The following LARP7 variants were observed in gnomAD, a reference collection of about 807,000 sequenced individuals.
LARP7 encodes La ribonucleoprotein 7, transcriptional regulator.
Under a neutral mutation model 69.3 loss-of-function variants are expected in LARP7, and 52 were observed. The ratio of observed to expected loss-of-function variants is 0.75; its 90% CI spans 0.60 to 0.95. The LOEUF is 0.95. Among genes scored for constraint, LARP7 ranks in the 40% least tolerant of loss-of-function variants. The probability of loss-of-function intolerance (pLI) is 0.00; values close to 1 mark genes in which losing one functional copy is unlikely to be tolerated. For synonymous variants in LARP7, 254 were observed against 215.9 expected, an observed-to-expected ratio of 1.18 and a Z score of -1.55; for missense variants, 733 against 673.0, an observed-to-expected ratio of 1.09 and a Z score of -0.99.
chr4:112,654,380 T>C, intron 12 of LARP7: 1 of 426,822 alleles, frequency 2.3e-6, no homozygotes, highest in South Asian at 3.7e-5. Flanking sequence ...TAATTTTAAT[T>C]TAGATTTTTT....
Position 112,647,362 on chromosome 4 carries a change from G to A in LARP7, c.810G>A (p.Lys270=), listed in dbSNP as rs773773118. 35 of 1,613,972 alleles carry A rather than the reference G, an allele frequency of 2.2e-5. No individual in the cohort carries two copies. Among genetic ancestry groups the A allele is most frequent in the Non-Finnish European group, 3.0e-5 (35 of 1,180,004 alleles). The change falls in exon 7 of 13, where the codon AAG becomes AAA. Residue 270 remains lysine, a synonymous_variant. Coordinates refer to ENST00000344442, the MANE Select transcript of LARP7 (RefSeq NM_016648.4). ...ACATTGAGTCCACTGAACCCCAAAA[G>A]CAGTGCTCAAAGAAAAAGAAAAAAC... ...GSDIESTEPQ[K]QCSKKKKKRD... is the part of the protein sequence containing the mutation.
In LARP7 at chr4:112,650,519, C is replaced by T. The variant is rs765596788; in HGVS notation, c.1353C>T (p.Phe451=). Residue 451 remains phenylalanine, a synonymous_variant, in exon 10 of 13, where the codon TTC becomes TTT. Transcript: ENST00000344442. The part of the protein sequence containing the change: ...QEKVNATGPQ[F]VSGVIVKIIS... ...AAGTTAATGCAACAGGACCACAGTT[C>T]GTGAGTGGAGTGATTGTGAAGATCA... 15 of 1,613,568 alleles carry T rather than the reference C, an allele frequency of 9.3e-6. No homozygotes were observed. Among genetic ancestry groups the T allele is most frequent in the East Asian group, 4.5e-5 (2 of 44,858 alleles).
Position 112,647,548 on chromosome 4 carries a change from A to AT in LARP7, c.996_997insT (p.Asp333Ter). On this transcript the variant is annotated frameshift_variant and splice_region_variant, in exon 7 of 13. Coordinates refer to ENST00000344442, the MANE Select transcript of LARP7 (RefSeq NM_016648.4). LOFTEE classifies it high-confidence loss of function. ...CATCAGAAGCTTCCAAGGAAAATAG[A>AT]GGTAAAACTACAAGGTTTTAATTAG... is the stretch of plus-strand genomic sequence containing the variant. The AT allele has an allele frequency of 6.3e-7, 1 of 1,587,334 alleles. No individual in the cohort carries two copies. The highest frequency in any genetic ancestry group is 8.6e-7 in the Non-Finnish European group (1 of 1,169,160).
intron 1 of LARP7, among the ~76,000 whole-genome samples, chr4:112,641,382 C>T (rs987015454): frequency 1.3e-5 from 2 of 150,240 alleles, no homozygotes; most frequent in Admixed American, 6.6e-5. Flanking sequence ...AGTGAGACTC[C>T]GTCTCAGGGA....
intron 8 of LARP7, chr4:112,648,809 A>C (rs932616858): frequency 3.1e-5 from 7 of 228,770 alleles, no homozygotes; most frequent in African/African-American, 1.4e-4. Flanking sequence ...ATTTTAATGT[A>C]TCAGCTCTCA....
In LARP7 at chr4:112,644,686, G is replaced by C; in HGVS notation, c.17G>C (p.Gly6Ala). 6 of 1,603,278 alleles carry C rather than the reference G, an allele frequency of 3.7e-6. No homozygotes were observed. The highest frequency in any genetic ancestry group is 5.1e-6 in the Non-Finnish European group (6 of 1,174,406). The change falls in exon 2 of 13, where the codon GGA becomes GCA. Residue 6 changes from glycine to alanine, a missense_variant. Coordinates refer to ENST00000344442, the MANE Select transcript of LARP7 (RefSeq NM_016648.4). ...TTCACAGGAATGGAAACTGAAAGTG[G>C]AAATCAGGAAAAGGTAATGGAAGAA... METES[G>A]NQEKVMEEES...
At chr4:112,655,878 A>G (rs2048932964) in intron 12 of LARP7, among the ~76,000 whole-genome samples, 1 of 152,192 alleles carries the variant, frequency 6.6e-6, no homozygotes, top group Non-Finnish European at 1.5e-5. Flanking sequence ...AAGCAAAGAA[A>G]ATGCAGAGAC....
chr4:112,655,087 G>C (rs548377619), intron 12 of LARP7, among the ~76,000 whole-genome samples: 4 of 151,888 alleles, frequency 2.6e-5, no homozygotes, highest in Admixed American at 6.6e-5. Context: ...CGTGATTTGT[G>C]GGGAGGTGTG....
At chr4:112,656,805 G>A (rs1378760236) in intron 12 of LARP7, among the ~76,000 whole-genome samples, 1 of 152,028 alleles carries the variant, frequency 6.6e-6, no homozygotes, top group Admixed American at 6.6e-5. Context: ...TTGCCATATG[G>A]TACCAAACAC....
At chr4:112,645,632 C>G (rs1560925397) in intron 2 of LARP7, 1 of 453,834 alleles carries the variant, frequency 2.2e-6, no homozygotes, top group Admixed American at 2.4e-5. Context: ...AAGCGATCCT[C>G]CATCAGCCTC....
Position 112,646,876 on chromosome 4 carries a change from A to G in LARP7, c.473A>G (p.His158Arg). ...AATGTTGTTTATATAAGTATACCACATTATAAGTCTACTGGAGATCCAAAG... is the reference window on the plus strand; with the variant it reads ...AATGTTGTTTATATAAGTATACCACGTTATAAGTCTACTGGAGATCCAAAG... The part of the protein sequence containing the change: ...CGNVVYISIP[H>R]YKSTGDPKGF... Residue 158 changes from histidine to arginine, a missense_variant, in exon 5 of 13, where the codon CAT becomes CGT. By Grantham distance (29) the His-to-Arg change is conservative. Transcript: ENST00000344442. 1 of 1,609,638 alleles carries G rather than the reference A, an allele frequency of 6.2e-7. No homozygotes were observed. Among genetic ancestry groups the G allele is most frequent in the Non-Finnish European group, 8.5e-7 (1 of 1,178,806 alleles).
rs755284502 is a variant in LARP7, at chr4:112,649,599, A to G, written c.1207A>G (p.Lys403Glu). 1.9e-6 allele frequency: 3 copies of G among 1,609,056 alleles called. No homozygotes were observed. The highest frequency in any genetic ancestry group is 2.5e-6 in the Non-Finnish European group (3 of 1,177,312). ...ALQKASMASL[K>E]KTISQIKSES... The stretch of plus-strand genomic sequence containing the variant: ...ACAAAAAGCTAGCATGGCTTCTTTA[A>G]AAAAAACAATATCCCAAATAAAATC... The change falls in exon 9 of 13, where the codon AAA becomes GAA. Residue 403 changes from lysine (K) to glutamate (E), a missense_variant. Coordinates refer to ENST00000344442, the MANE Select transcript of LARP7 (RefSeq NM_016648.4).
intron 9 of LARP7, 31 bp from the exon 10 acceptor site, chr4:112,650,421 GTAAGAGATT>G: frequency 6.2e-7 from 1 of 1,607,834 alleles, no homozygotes; most frequent in Non-Finnish European, 8.5e-7. Flanking sequence ...GTTGTTAAGT[GTAAGAGATT>G]TAGTCCTGGT....
At chr4:112,649,252 T>C (rs2048582802) in intron 8 of LARP7, among the ~76,000 whole-genome samples, 1 of 152,144 alleles carries the variant, frequency 6.6e-6, no homozygotes, top group Non-Finnish European at 1.5e-5. Flanking sequence ...AGTTAAGGAA[T>C]TAATGCTAAA....
chr4:112,646,035 G>A (rs553573078), intron 2 of LARP7, among the ~76,000 whole-genome samples: 1 of 151,822 alleles, frequency 6.6e-6, no homozygotes, highest in African/African-American at 2.4e-5. Flanking sequence ...TTTCTCCCAG[G>A]CTGGAGTGAT....
At chr4:112,640,515 A>G (rs916698202) in intron 1 of LARP7, among the ~76,000 whole-genome samples, 11 of 152,074 alleles carry the variant, frequency 7.2e-5, no homozygotes, top group African/African-American at 2.7e-4. Flanking sequence ...CAGCCTGGCC[A>G]AAATGATGAA....
At chr4:112,653,618 T>C (rs2048846283) in intron 11 of LARP7, among the ~76,000 whole-genome samples, 1 of 152,208 alleles carries the variant, frequency 6.6e-6, no homozygotes, top group Non-Finnish European at 1.5e-5. Context: ...CCAGGTTAGC[T>C]GGGATTACAG....
intron 8 of LARP7, chr4:112,648,605 G>A (rs748444975): frequency 4.4e-6 from 2 of 458,446 alleles, no homozygotes; most frequent in East Asian, 6.6e-5. Context: ...TAGAGCTGAG[G>A]AGAAAGAAAA....
chr4:112,652,147 T>C (rs559728031), intron 10 of LARP7, among the ~76,000 whole-genome samples: 27 of 152,204 alleles, frequency 1.8e-4, no homozygotes, highest in African/African-American at 6.0e-4. Context: ...AAACTTTTCT[T>C]ATTCTATGAT....
Sources: gnomAD v4.1 joint callset for allele counts (sites outside exome capture counted in the v4.1 genomes callset) on GRCh38, gnomAD v4.1.1 for gene constraint, MANE v1.5 for transcripts, NCBI Gene and HGNC (gene_info 2026-07-23, HGNC 2026-07-21) for gene names.